RHBDL2: variants seen among roughly 807,000 people sequenced by gnomAD.
The protein encoded by RHBDL2 is rhomboid like 2.
A neutral mutation model predicts 31.7 loss-of-function variants in RHBDL2; 26 were observed. That is an observed-to-expected ratio of 0.82 (90% CI 0.60 to 1.14). The LOEUF is 1.14. Among genes scored for constraint, RHBDL2 ranks in the 50% most tolerant of loss-of-function variants. The pLI, the probability that RHBDL2 is intolerant of heterozygous loss-of-function variation, is 0.00. For synonymous variants in RHBDL2, 123 were observed against 127.2 expected (o/e 0.97, Z 0.22); for missense variants, 336 against 364.4 (o/e 0.92, Z 0.63).
At chr1:38,921,766 TC>T (rs1643318802) in intron 1 of RHBDL2, among the ~76,000 whole-genome samples, 1 of 152,202 alleles carries the variant, frequency 6.6e-6, no homozygotes, top group African/African-American at 2.4e-5. Context: ...TTTATTAATT[TC>T]CCTTGAAGAC....
chr1:38,937,875 A>AT (rs1217141930), intron 1 of RHBDL2, among the ~76,000 whole-genome samples: 1 of 152,182 alleles, frequency 6.6e-6, no homozygotes, highest in East Asian at 1.9e-4. Flanking sequence ...TGAACAAACC[A>AT]TGCTGAAGTC....
chr1:38,902,682 A>G (rs1427688294), intron 4 of RHBDL2, among the ~76,000 whole-genome samples: 1 of 151,842 alleles, frequency 6.6e-6, no homozygotes, highest in Non-Finnish European at 1.5e-5. Context: ...GGCCTCCCCA[A>G]GTGCTGGGAT....
chr1:38,912,948 G>GTGTA (rs776145220), intron 3 of RHBDL2, among the ~76,000 whole-genome samples: 5,326 of 105,334 alleles, frequency 0.051, 281 homozygotes, highest in Non-Finnish European at 0.061. Flanking sequence ...GTGTGTGTGT[G>GTGTA]TATTTACATA....
intron 1 of RHBDL2, among the ~76,000 whole-genome samples, chr1:38,931,858 C>T (rs1261275939): frequency 6.6e-6 from 1 of 152,150 alleles, no homozygotes; most frequent in African/African-American, 2.4e-5. Context: ...CTATTCAGTT[C>T]CCAGAAGCCA....
intron 1 of RHBDL2, among the ~76,000 whole-genome samples, chr1:38,924,555 C>A (rs7534495): frequency 6.6e-6 from 1 of 151,924 alleles, no homozygotes; most frequent in South Asian, 2.1e-4. Context: ...GATTGCGCCA[C>A]TGCACTCCAG....
In RHBDL2 at chr1:38,915,632, G is replaced by A. The variant is rs758715535; in HGVS notation, c.325C>T (p.Pro109Ser). 2.5e-6 allele frequency: 4 copies of A among 1,614,092 alleles called. No homozygotes were observed. The Admixed American group carries it at 6.7e-5, about 27-fold the overall frequency. ...ITLDTGILES[P>S]FIYSPEKREE... ...CTCTTCTCAGGACTGTAGATAAAGG[G>A]ACTCTCCAAGATGCCTGTGTCCAAC... is the stretch of plus-strand genomic sequence containing the variant. Residue 109 changes from proline to serine, a missense_variant, in exon 3 of 8, where the codon CCC (proline) becomes TCC (serine). By Grantham distance (74) the Pro-to-Ser change is moderately conservative. Coordinates refer to ENST00000372990, the MANE Select transcript of RHBDL2 (RefSeq NM_017821.5).
At chr1:38,932,610 C>T (rs1204296007) in intron 1 of RHBDL2, among the ~76,000 whole-genome samples, 1 of 152,092 alleles carries the variant, frequency 6.6e-6, no homozygotes, top group Non-Finnish European at 1.5e-5. Flanking sequence ...CAGGTGAGCG[C>T]CACCATGCCC....
At chr1:38,898,542 A>C (rs1238148948) in intron 4 of RHBDL2, among the ~76,000 whole-genome samples, 1 of 152,244 alleles carries the variant, frequency 6.6e-6, no homozygotes, top group Non-Finnish European at 1.5e-5. Flanking sequence ...TAGACATCAG[A>C]AAACAAAACC....
chr1:38,908,488 G>A (rs1643096702), intron 4 of RHBDL2, among the ~76,000 whole-genome samples: 1 of 143,248 alleles, frequency 7.0e-6, no homozygotes, highest in African/African-American at 2.7e-5. Context: ...CTCCAACCTG[G>A]GCAACAAGAG....
rs1643218412 is a variant in RHBDL2, at chr1:38,915,370, C to G, written c.395+192G>C. ...GAATTCCTGACCTCAAGTGATCTGC[C>G]CACCTCAGCCTCCATGACTACATCT... On this transcript the variant is annotated intron_variant, in intron 3 of 7. Transcript: ENST00000372990. 1.5e-5 allele frequency: 8 copies of G among 542,202 alleles called. No individual in the cohort carries two copies. In the South Asian group the frequency reaches 2.1e-4, roughly 14 times the overall value. The allele number at this position is 542,202 out of a possible 1,614,324, so 33.6% of individuals were successfully genotyped here.
At chr1:38,933,982 C>A (rs1043641053) in intron 1 of RHBDL2, among the ~76,000 whole-genome samples, 5 of 152,114 alleles carry the variant, frequency 3.3e-5, no homozygotes, top group Non-Finnish European at 7.3e-5. Flanking sequence ...CCCCCTTTGG[C>A]CTCCCAAAGA....
chr1:38,916,096 C>T (rs959740896), intron 2 of RHBDL2, among the ~76,000 whole-genome samples: 5 of 152,090 alleles, frequency 3.3e-5, no homozygotes, highest in East Asian at 1.9e-4. Flanking sequence ...TGCTGGCTTC[C>T]GAATAATAGA....
At chr1:38,923,378 T>C (rs1244045126) in intron 1 of RHBDL2, among the ~76,000 whole-genome samples, 1 of 152,250 alleles carries the variant, frequency 6.6e-6, no homozygotes, top group Admixed American at 6.5e-5. Flanking sequence ...GCGGGGTTGC[T>C]GTATTTTCTA....
intron 6 of RHBDL2, among the ~76,000 whole-genome samples, chr1:38,890,706 AT>A (rs144506667): frequency 2.4e-3 from 348 of 145,702 alleles, no homozygotes; most frequent in Admixed American, 3.2e-3. Context: ...CTTCATATGG[AT>A]TTTTTTTTTT....
chr1:38,909,851 ACT>A (rs1330587276), intron 4 of RHBDL2, among the ~76,000 whole-genome samples: 2 of 152,034 alleles, frequency 1.3e-5, no homozygotes, highest in African/African-American at 4.8e-5. Flanking sequence ...AAAACTGAAA[ACT>A]CTGTTCACAA....
chr1:38,893,232 A>G lies in RHBDL2; in HGVS notation c.610-8T>C. 2 of 1,376,392 alleles carry G rather than the reference A, an allele frequency of 1.5e-6. No individual in the cohort carries two copies. The highest frequency in any genetic ancestry group is 1.9e-4 in the Middle Eastern group (1 of 5,368). 85.3% of individuals were successfully genotyped at this position (1,376,392 alleles called of 1,614,324 possible). On this transcript the variant is annotated splice_region_variant and splice_polypyrimidine_tract_variant and intron_variant, in intron 5 of 7. Transcript: ENST00000372990. ...AATCATTTCTTGAAAATTCTTAAAA[A>G]GAGATAAATAATAATTATATAAGCT...
intron 4 of RHBDL2, among the ~76,000 whole-genome samples, chr1:38,900,770 G>A (rs1019341166): frequency 3.3e-5 from 5 of 151,718 alleles, no homozygotes; most frequent in Admixed American, 2.6e-4. Flanking sequence ...AGCATTGGCC[G>A]GGCAAAGTGG....
At position 38,893,243 on chromosome 1, in the gene RHBDL2, A is replaced by G. The variant is rs1200136043; in HGVS notation, c.610-19T>C. 2 of 1,204,012 alleles carry G rather than the reference A, an allele frequency of 1.7e-6. No individual in the cohort carries two copies. Among genetic ancestry groups the G allele is most frequent in the Non-Finnish European group, 2.4e-6 (2 of 817,028 alleles). 74.6% of individuals were successfully genotyped at this position (1,204,012 alleles called of 1,614,324 possible). ...GAAAATTCTTAAAAAGAGATAAATA[A>G]TAATTATATAAGCTATCTATGGACA... is the stretch of plus-strand genomic sequence containing the variant. On this transcript the variant is annotated intron_variant, in intron 5 of 7. Coordinates refer to ENST00000372990, the MANE Select transcript of RHBDL2 (RefSeq NM_017821.5).
chr1:38,935,277 T>C (rs1643485224), intron 1 of RHBDL2, among the ~76,000 whole-genome samples: 1 of 152,258 alleles, frequency 6.6e-6, no homozygotes, highest in Admixed American at 6.5e-5. Context: ...CATAAATGCA[T>C]TAATTTGCAT....
Sources: gnomAD v4.1 joint callset for allele counts (sites outside exome capture counted in the v4.1 genomes callset) on GRCh38, gnomAD v4.1.1 for gene constraint, MANE v1.5 for transcripts, NCBI Gene and HGNC (gene_info 2026-07-23, HGNC 2026-07-21) for gene names.